DAB1: variants seen among roughly 807,000 people sequenced by gnomAD.
The protein encoded by DAB1 is DAB adaptor protein 1.
In DAB1, 15 loss-of-function variants were observed where a neutral mutation model predicts 64.6. The ratio of observed to expected loss-of-function variants is 0.23; its 90% CI spans 0.16 to 0.36. The LOEUF (loss-of-function observed/expected upper bound fraction) is 0.36. Among genes scored for constraint, DAB1 ranks in the 10% least tolerant of loss-of-function variants. The pLI is 1.00. For synonymous variants in DAB1, 235 were observed against 251.9 expected, an observed-to-expected ratio of 0.93 and a Z score of 0.64; for missense variants, 596 against 706.7, an observed-to-expected ratio of 0.84 and a Z score of 1.78.
At chr1:57,934,538 C>CAT (rs1462373284) in intron 5 of DAB1, among the ~76,000 whole-genome samples, 1 of 152,120 alleles carries the variant, frequency 6.6e-6, no homozygotes, top group East Asian at 1.9e-4. Context: ...CAGGAACTAG[C>CAT]ATTTATTCAG....
intron 6 of DAB1, 143 bp from the exon 7 acceptor site, chr1:57,071,204 A>C: frequency 1.3e-6 from 1 of 799,072 alleles, no homozygotes; most frequent in Middle Eastern, 3.6e-4. Flanking sequence ...GAAAAAACAC[A>C]AAAAAGTCAA....
intron 2 of DAB1, among the ~76,000 whole-genome samples, chr1:57,260,224 A>G (rs1670079163): frequency 6.6e-6 from 1 of 152,184 alleles, no homozygotes; most frequent in Admixed American, 6.5e-5. Context: ...CACAGTCTCT[A>G]GTATCCTTCA....
rs536488700 is a variant in DAB1, at chr1:57,242,994, T to C, written c.67+47970A>G. ...GTGGCAGCACAATTTGCATACTTAG[T>C]AGATACTCAATAAATACTTGTTGAA... On this transcript the variant is annotated intron_variant, in intron 2 of 14. Transcript: ENST00000371236. 2.6e-5 allele frequency among the ~76,000 whole-genome samples: 4 copies of C among 152,316 alleles called. No individual in the cohort carries two copies. In the South Asian group the frequency reaches 8.3e-4, roughly 32 times the overall value.
intron 4 of DAB1, among the ~76,000 whole-genome samples, chr1:58,219,685 C>T (rs907163243): frequency 2.6e-5 from 4 of 152,202 alleles, no homozygotes; most frequent in African/African-American, 9.6e-5. Flanking sequence ...GGAAATCTTC[C>T]CTGGCCTCCC....
At position 58,086,259 on chromosome 1, in the gene DAB1, G is replaced by A. The variant is rs12046346; in HGVS notation, n.387+64252C>T. 3.9e-5 allele frequency among the ~76,000 whole-genome samples: 6 copies of A among 152,238 alleles called. No individual in the cohort carries two copies. The East Asian group carries it at 9.6e-4, about 24-fold the overall frequency. On this transcript the variant is annotated intron_variant and non_coding_transcript_variant, in intron 5 of 20. Coordinates refer to the DAB1 transcript ENST00000485760. ...ATTACAGGCGTGAGCCACCGCGCCCGGCCTGATCTCTCTTGATAACACCAC... is the reference window on the plus strand; with the variant it reads ...ATTACAGGCGTGAGCCACCGCGCCCAGCCTGATCTCTCTTGATAACACCAC...
At chr1:57,215,211 T>C (rs1365871180) in intron 2 of DAB1, among the ~76,000 whole-genome samples, 1 of 152,114 alleles carries the variant, frequency 6.6e-6, no homozygotes, top group Non-Finnish European at 1.5e-5. Flanking sequence ...GATGAATGCA[T>C]AATATTAGTT....
chr1:58,240,974 G>A (rs1466238972), intron 4 of DAB1, among the ~76,000 whole-genome samples: 1 of 152,104 alleles, frequency 6.6e-6, no homozygotes, highest in Non-Finnish European at 1.5e-5. Flanking sequence ...AGTGAGGAGA[G>A]TTGACAAAAG....
At chr1:57,210,318 A>G (rs155286) in intron 2 of DAB1, among the ~76,000 whole-genome samples, 35,064 of 152,148 alleles carry the variant, frequency 0.23, 5,070 homozygotes, top group Non-Finnish European at 0.33. Context: ...GGACAATAAG[A>G]TAGAACAGTC....
intron 9 of DAB1, among the ~76,000 whole-genome samples, chr1:57,044,080 G>T (rs1191144513): frequency 6.6e-6 from 1 of 152,138 alleles, no homozygotes; most frequent in East Asian, 1.9e-4. Flanking sequence ...TCATCTGATT[G>T]GTTCCTTCTC....
chr1:58,190,470 T>A (rs677451), intron 4 of DAB1, among the ~76,000 whole-genome samples: 120,840 of 151,628 alleles, frequency 0.8, 48,859 homozygotes, highest in South Asian at 0.87. Context: ...GCTAGCAGTC[T>A]GTCATGCACA....
At chr1:57,069,222 G>A (rs1010174238) in intron 8 of DAB1, 138 bp downstream of exon 8, 49 of 682,228 alleles carry the variant, frequency 7.2e-5, no homozygotes, top group Non-Finnish European at 1.1e-4. Context: ...AATTGCTGGG[G>A]AACTAGAAGC....
intron 5 of DAB1, among the ~76,000 whole-genome samples, chr1:57,984,861 A>G (rs1646173838): frequency 6.6e-6 from 1 of 152,014 alleles, no homozygotes; most frequent in Non-Finnish European, 1.5e-5. Flanking sequence ...CTTTCAGAAA[A>G]GGGTTAAAGG....
intron 3 of DAB1, among the ~76,000 whole-genome samples, chr1:58,499,997 A>G (rs1217270591): frequency 6.6e-6 from 1 of 152,170 alleles, no homozygotes; most frequent in African/African-American, 2.4e-5. Context: ...AATGCCAGAG[A>G]GTCTTCACGA....
intron 2 of DAB1, among the ~76,000 whole-genome samples, chr1:57,165,250 G>GT (rs148639954): frequency 0.041 from 6,088 of 149,210 alleles, 177 homozygotes; most frequent in Non-Finnish European, 0.06. Context: ...GAAAAAATAG[G>GT]TTTTTTTTTT....
chr1:58,384,057 TG>T (rs984301992), intron 3 of DAB1, among the ~76,000 whole-genome samples: 39 of 151,854 alleles, frequency 2.6e-4, no homozygotes, highest in African/African-American at 9.5e-4. Context: ...CTTTTGTTGT[TG>T]TTTTTTTTTT....
At chr1:57,136,771 A>G (rs1658160351) in intron 3 of DAB1, 130 bp from the exon 4 acceptor site, 4 of 462,772 alleles carry the variant, frequency 8.6e-6, no homozygotes, top group South Asian at 5.4e-5. Flanking sequence ...TCGCACTTCC[A>G]TATTTCTCTA....
Position 57,136,437 on chromosome 1 carries a change from T to C in DAB1, c.306+106A>G, listed in dbSNP as rs901303843. The C allele has an allele frequency of 9.1e-6, 5 of 550,614 alleles. No individual in the cohort carries two copies. In the East Asian group the frequency reaches 1.2e-4, roughly 13 times the overall value. 34.1% of individuals were successfully genotyped at this position (550,614 alleles called of 1,614,324 possible). On this transcript the variant is annotated intron_variant, in intron 4 of 14. Transcript: ENST00000371236. ...TTGATCAAGTTTGTCAGTTGCTTTA[T>C]GTGTTTTTATGCTTGTTGTATATTC...
At chr1:58,025,649 GTGTATATATATA>G (rs1292105624) in intron 5 of DAB1, among the ~76,000 whole-genome samples, 21 of 115,044 alleles carry the variant, frequency 1.8e-4, no homozygotes, top group East Asian at 4.9e-4. Context: ...ATATATATGT[GTGTATATATATA>G]TATATATATA....
chr1:58,009,776 T>G (rs1646641046), intron 5 of DAB1, among the ~76,000 whole-genome samples: 1 of 152,160 alleles, frequency 6.6e-6, no homozygotes, highest in African/African-American at 2.4e-5. Context: ...TTAAACTATC[T>G]TTCCTTATAT....
Sources: gnomAD v4.1 joint callset for allele counts (sites outside exome capture counted in the v4.1 genomes callset) on GRCh38, gnomAD v4.1.1 for gene constraint, MANE v1.5 for transcripts, NCBI Gene and HGNC (gene_info 2026-07-23, HGNC 2026-07-21) for gene names.